The following MCOLN1 variants were observed in gnomAD, a reference collection of about 807,000 sequenced individuals.
MCOLN1 encodes mucolipin TRP cation channel 1, also known as mucolipin-1.
Under a neutral mutation model 70.3 loss-of-function variants are expected in MCOLN1, and 50 were observed. That is an observed-to-expected ratio of 0.71 (90% CI 0.57 to 0.90). The LOEUF is 0.90. Among genes scored for constraint, MCOLN1 ranks in the 40% least tolerant of loss-of-function variants. The pLI, the probability that MCOLN1 is intolerant of heterozygous loss-of-function variation, is 0.00. For missense variants in MCOLN1, 598 were observed against 803.5 expected, an observed-to-expected ratio of 0.74 and a Z score of 3.09; for synonymous variants, 366 against 341.0, an observed-to-expected ratio of 1.07 and a Z score of -0.81.
rs112139640 is a variant in MCOLN1 at position 7,528,307 on chromosome 19, C to T, written c.877+50C>T. On this transcript the variant is annotated intron_variant, in intron 7 of 13. Transcript: ENST00000264079. This position sits in a 1 kb window ranked among gnomAD's most constrained non-coding sequence, Gnocchi z 4.2. ...CACTGACCAGGGGCCCTGGCCTGTCCTGGGATTCCCCAAGCCCCAGATCAG... is the reference window on the plus strand; with the variant it reads ...CACTGACCAGGGGCCCTGGCCTGTCTTGGGATTCCCCAAGCCCCAGATCAG... The T allele has an allele frequency of 4.5e-6, 7 of 1,554,076 alleles. No homozygotes were observed. The Admixed American group carries it at 1.2e-4, about 26-fold the overall frequency.
rs1431995988 is a variant in MCOLN1, at chr19:7,526,546, C to T, written c.345C>T (p.Asp115=). 3 of 1,614,160 alleles carry T rather than the reference C, an allele frequency of 1.9e-6. No homozygotes were observed. The highest frequency in any genetic ancestry group is 1.7e-6 in the Non-Finnish European group (2 of 1,180,038). The change falls in exon 3 of 14, where the codon GAC becomes GAT. Residue 115 remains aspartate (D), a synonymous_variant. Transcript: ENST00000264079. The surrounding 1 kb of genome is among the most constrained non-coding windows in gnomAD (Gnocchi z 4.6). ...FLLGYSDGAD[D]TFAAYTREQL... ...TGGGCTACTCGGACGGAGCGGATGA[C>T]ACCTTCGCAGCCTACACGCGGGAGC...
In MCOLN1 at chr19:7,526,876, A is replaced by C; in HGVS notation, c.521A>C (p.His174Pro). ...ALCQRYYHRGHVDPANDTFDI... is the reference protein window; with the variant it reads ...ALCQRYYHRGPVDPANDTFDI... ...TGCCAGCGGTACTACCACCGAGGCC[A>C]CGTGGACCCGGCCAACGACACATTT... Residue 174 changes from histidine (H) to proline (P), a missense_variant, in exon 4 of 14, where the codon CAC (histidine) becomes CCC (proline). Physicochemically the swap from His to Pro is moderately conservative, Grantham distance 77. This residue lies in a region of MCOLN1 where 461 missense variants were observed against 588.4 expected (regional missense o/e 0.78). Transcript: ENST00000264079. This position sits in a 1 kb window ranked among gnomAD's most constrained non-coding sequence, Gnocchi z 4.6. 6.2e-7 allele frequency: 1 copy of C among 1,614,158 alleles called. No homozygotes were observed. Among genetic ancestry groups the C allele is most frequent in the Admixed American group, 1.7e-5 (1 of 60,024 alleles).
chr19:7,526,125 A>G lies in MCOLN1; in HGVS notation c.238-314A>G. On this transcript the variant is annotated intron_variant, in intron 2 of 13. Transcript: ENST00000264079. The surrounding 1 kb of genome is among the most constrained non-coding windows in gnomAD (Gnocchi z 4.6). ...CCTGAAAGTTTGGGTTTAACACAGA[A>G]TCGGACATCCAGTAAACATTTAATG... 1 of 443,508 alleles carries G rather than the reference A, an allele frequency of 2.3e-6. No homozygotes were observed. Among genetic ancestry groups the G allele is most frequent in the Admixed American group, 3.5e-5 (1 of 28,550 alleles). The allele number at this position is 443,508 out of a possible 1,614,324, so 27.5% of individuals were successfully genotyped here.
intron 4 of MCOLN1, 107 bp downstream of exon 4, chr19:7,527,033 G>C: frequency 7.0e-7 from 1 of 1,422,194 alleles, no homozygotes; most frequent in Admixed American, 1.7e-5. Flanking sequence ...CCAGCACTTT[G>C]GGAGGCTGAG....
chr19:7,529,445 G>A (rs1381590206), intron 10 of MCOLN1, 145 bp from the exon 11 acceptor site: 19 of 1,103,136 alleles, frequency 1.7e-5, no homozygotes, highest in Middle Eastern at 2.8e-4. Context: ...ACGTGGCCAC[G>A]CCCCCTCTAG....
chr19:7,530,235 C>G, intron 11 of MCOLN1, 51 bp from the exon 12 acceptor site: 1 of 1,521,192 alleles, frequency 6.6e-7, no homozygotes, highest in South Asian at 1.1e-5. Context: ...CCCCAGCCCC[C>G]GGTTCCTGGC....
rs1255536169 is a variant in MCOLN1, at chr19:7,533,284, A to AG, written c.1576-239_1576-238insG. Reference sequence around the variant, plus strand: ...CTGGCTCTAGGTCTGTAGGTGCTGGACCTACAGCAGAAGGCAAAGACACAG... The same window carrying AG: ...CTGGCTCTAGGTCTGTAGGTGCTGGAGCCTACAGCAGAAGGCAAAGACACAG... On this transcript the variant is annotated intron_variant, in intron 12 of 13. Coordinates refer to ENST00000264079, the MANE Select transcript of MCOLN1 (RefSeq NM_020533.3). 1.1e-4 allele frequency: 66 copies of AG among 600,474 alleles called. No homozygotes were observed. The African/African-American group carries it at 1.1e-3, about 10-fold the overall frequency. 37.2% of individuals were successfully genotyped at this position (600,474 alleles called of 1,614,324 possible).
chr19:7,533,841 C>A lies in MCOLN1; in HGVS notation c.*46C>A. 6.3e-7 allele frequency: 1 copy of A among 1,597,454 alleles called. No homozygotes were observed. Among genetic ancestry groups the A allele is most frequent in the Non-Finnish European group, 8.6e-7 (1 of 1,165,194 alleles). On this transcript the variant is annotated 3_prime_UTR_variant, in exon 14 of 14. Coordinates refer to ENST00000264079, the MANE Select transcript of MCOLN1 (RefSeq NM_020533.3). ...ACCGTAGGCCCTGGACTGCAGAGAC[C>A]CCCGCCCCCGACCCCGCTTATTTAT...
intron 5 of MCOLN1, 56 bp downstream of exon 5, chr19:7,527,684 C>G (rs760880700): frequency 4.6e-5 from 59 of 1,276,818 alleles, no homozygotes; most frequent in Non-Finnish European, 6.8e-5. Flanking sequence ...ACACTAGGCA[C>G]TCTCACCCCA....
Position 7,526,629 on chromosome 19 carries a change from T to TGGTGGGCAGGCAGGTGCA in MCOLN1, c.405+31_405+48dup, listed in dbSNP as rs1179663583. On this transcript the variant is annotated intron_variant, in intron 3 of 13. Transcript: ENST00000264079. The surrounding 1 kb of genome is among the most constrained non-coding windows in gnomAD (Gnocchi z 4.6). ...CAGGTGCTGGTGGGCGGGCAGGTGCTGGTGGGCAGGCAGGTGCAGGTGGGC... is the reference window on the plus strand; with the variant it reads ...CAGGTGCTGGTGGGCGGGCAGGTGCTGGTGGGCAGGCAGGTGCAGGTGGGCAGGCAGGTGCAGGTGGGC... 2 of 1,569,270 alleles carry TGGTGGGCAGGCAGGTGCA rather than the reference T, an allele frequency of 1.3e-6. No homozygotes were observed. Among genetic ancestry groups the TGGTGGGCAGGCAGGTGCA allele is most frequent in the Non-Finnish European group, 1.7e-6 (2 of 1,160,170 alleles).
Position 7,522,684 on chromosome 19 carries a change from C to T in MCOLN1, c.-67C>T. On this transcript the variant is annotated 5_prime_UTR_variant, in exon 1 of 14. Coordinates refer to ENST00000264079, the MANE Select transcript of MCOLN1 (RefSeq NM_020533.3). ...CCGCGAGGGAGCGAGGTCGCAGTGA[C>T]AGCGGCGGGCGATCGGACCCAGGCT... 1 of 1,416,002 alleles carries T rather than the reference C, an allele frequency of 7.1e-7. No homozygotes were observed. Among genetic ancestry groups the T allele is most frequent in the Non-Finnish European group, 9.2e-7 (1 of 1,082,122 alleles). 87.7% of individuals were successfully genotyped at this position (1,416,002 alleles called of 1,614,324 possible).
Position 7,526,466 on chromosome 19 carries a change from C to T in MCOLN1, c.265C>T (p.Leu89=), listed in dbSNP as rs567995024. The change falls in exon 3 of 14, where the codon CTG becomes TTG. Residue 89 remains leucine, a synonymous_variant. Transcript: ENST00000264079. The surrounding 1 kb of genome is among the most constrained non-coding windows in gnomAD (Gnocchi z 4.6). ...CATCCTGTTTGGGCTCAGTAATCAG[C>T]TGGCTGTGACATTCCGGGAAGAGAA... The part of the protein sequence containing the change: ...QLILFGLSNQ[L]AVTFREENTI... 4.0e-5 allele frequency: 64 copies of T among 1,614,254 alleles called. No individual in the cohort carries two copies. The South Asian group carries it at 6.7e-4, about 17-fold the overall frequency.
chr19:7,527,767 G>A, intron 5 of MCOLN1, 97 bp from the exon 6 acceptor site: 1 of 1,179,058 alleles, frequency 8.5e-7, no homozygotes, highest in Non-Finnish European at 1.3e-6. Flanking sequence ...CACTTCCCCT[G>A]CCAGCTGCAG....
In MCOLN1 at chr19:7,525,635, C is replaced by T. The variant is rs960175385; in HGVS notation, c.237+469C>T. On this transcript the variant is annotated intron_variant, in intron 2 of 13. Coordinates refer to ENST00000264079, the MANE Select transcript of MCOLN1 (RefSeq NM_020533.3). The surrounding 1 kb of genome is among the most constrained non-coding windows in gnomAD (Gnocchi z 4.2). Reference sequence around the variant, plus strand: ...CCAATGGCTGCACAGATAGTTCTCCCTCCCCCATGCCAGACCCTGTGCTGG... The same window carrying T: ...CCAATGGCTGCACAGATAGTTCTCCTTCCCCCATGCCAGACCCTGTGCTGG... The T allele has an allele frequency of 4.7e-6, 1 of 212,908 alleles. No homozygotes were observed. The highest frequency in any genetic ancestry group is 9.6e-6 in the Non-Finnish European group (1 of 104,326). 13.2% of individuals were successfully genotyped at this position (212,908 alleles called of 1,614,324 possible).
rs1214912998 is a variant in MCOLN1 at position 7,533,369 on chromosome 19, G to A, written c.1576-154G>A. On this transcript the variant is annotated intron_variant, in intron 12 of 13. Transcript: ENST00000264079. ...GGTCAGGGAAGGTCCCTCTGTGCAA[G>A]CAAACTGTGGAACAACGGGTGGAGC... The A allele has an allele frequency of 4.0e-6, 4 of 987,906 alleles. No individual in the cohort carries two copies. The East Asian group carries it at 7.7e-5, about 19-fold the overall frequency. 61.2% of individuals were successfully genotyped at this position (987,906 alleles called of 1,614,324 possible).
At position 7,526,948 on chromosome 19, in the gene MCOLN1, T is replaced by C; in HGVS notation, c.571+22T>C. Reference sequence around the variant, plus strand: ...ACTGGTGAGTGGGCAGGACGAGGCTTCACTGTTGGGAGCCTGAGCTGCTGG... The same window carrying C: ...ACTGGTGAGTGGGCAGGACGAGGCTCCACTGTTGGGAGCCTGAGCTGCTGG... On this transcript the variant is annotated intron_variant, in intron 4 of 13. Transcript: ENST00000264079. The surrounding 1 kb of genome is among the most constrained non-coding windows in gnomAD (Gnocchi z 4.6). 1 of 1,613,816 alleles carries C rather than the reference T, an allele frequency of 6.2e-7. No homozygotes were observed. Among genetic ancestry groups the C allele is most frequent in the Non-Finnish European group, 8.5e-7 (1 of 1,179,912 alleles).
rs780449062 is a variant in MCOLN1, at chr19:7,526,870, G to A, written c.515G>A (p.Arg172Gln). Residue 172 changes from arginine (R) to glutamine (Q), a missense_variant, in exon 4 of 14, where the codon CGA (arginine) becomes CAA (glutamine). Transcript: ENST00000264079. This position sits in a 1 kb window ranked among gnomAD's most constrained non-coding sequence, Gnocchi z 4.6. ...GLALCQRYYH[R>Q]GHVDPANDTF... is the part of the protein sequence containing the mutation. ...GCTCTCTGCCAGCGGTACTACCACC[G>A]AGGCCACGTGGACCCGGCCAACGAC... 5.0e-6 allele frequency: 8 copies of A among 1,614,180 alleles called. No homozygotes were observed. The highest frequency in any genetic ancestry group is 3.3e-5 in the Admixed American group (2 of 60,028).
At position 7,533,867 on chromosome 19, in the gene MCOLN1, T is replaced by G. The variant is rs1049428493; in HGVS notation, c.*72T>G. 1 of 1,581,662 alleles carries G rather than the reference T, an allele frequency of 6.3e-7. No individual in the cohort carries two copies. Among genetic ancestry groups the G allele is most frequent in the South Asian group, 1.1e-5 (1 of 89,532 alleles). On this transcript the variant is annotated 3_prime_UTR_variant, in exon 14 of 14. Transcript: ENST00000264079. ...CCCGCCCCCGACCCCGCTTATTTAT[T>G]TGTAGGGTTTGCTTTTAAGGATCGG...
intron 10 of MCOLN1, 149 bp downstream of exon 10, chr19:7,529,351 T>C (rs551719539): frequency 1.1e-6 from 1 of 922,286 alleles, no homozygotes; most frequent in East Asian, 2.6e-5. Flanking sequence ...TATCTGTCAC[T>C]GCACCTGCGC....
Sources: gnomAD v4.1 joint callset for allele counts on GRCh38, gnomAD v4.1.1 for gene constraint, gnomAD v4.1.1 regional missense constraint, Gnocchi (gnomAD v3.1) non-coding constraint, MANE v1.5 for transcripts, NCBI Gene and HGNC (gene_info 2026-07-23, HGNC 2026-07-21) for gene names.